FAM193A: variants seen among roughly 807,000 people sequenced by gnomAD.
FAM193A encodes the protein protein FAM193A.
A neutral mutation model predicts 126.5 loss-of-function variants in FAM193A; 22 were observed. That is an observed-to-expected ratio of 0.17 (90% CI 0.12 to 0.25). The LOEUF (loss-of-function observed/expected upper bound fraction) is 0.25. FAM193A is among the 10% of genes least tolerant of loss of function. The pLI, the probability that FAM193A is intolerant of heterozygous loss-of-function variation, is 1.00. For missense variants in FAM193A, 1,675 were observed against 1,672.8 expected, an observed-to-expected ratio of 1.00 and a Z score of -0.02; for synonymous variants, 761 against 646.8, an observed-to-expected ratio of 1.18 and a Z score of -2.68.
chr4:2,551,777 A>G lies in FAM193A; in HGVS notation c.255+14607A>G, dbSNP rs117408986. 4.9e-3 allele frequency among the ~76,000 whole-genome samples: 694 copies of G among 142,568 alleles called. 12 individuals are homozygous for G. The highest frequency in any genetic ancestry group is 0.034 in the Admixed American group (485 of 14,366). The allele number at this position is 142,568 out of a possible 152,430, so 93.5% of individuals were successfully genotyped here. On this transcript the variant is annotated intron_variant, in intron 1 of 20. Coordinates refer to ENST00000637812, the MANE Select transcript of FAM193A (RefSeq NM_001366318.2). ...TGTTTTTCCGTTTTCAGTGTGTTTG[A>G]TTTTTTTTTTTAAACACTTTGCCTT...
chr4:2,692,491 G>C (rs988669230), intron 15 of FAM193A, among the ~76,000 whole-genome samples: 8 of 152,182 alleles, frequency 5.3e-5, no homozygotes, highest in Non-Finnish European at 8.8e-5. Context: ...AGACTCTGGA[G>C]GAACCTAGCA....
intron 6 of FAM193A, among the ~76,000 whole-genome samples, chr4:2,640,642 G>C (rs1390500935): frequency 6.6e-6 from 1 of 152,100 alleles, no homozygotes. Context: ...CAGACCCATC[G>C]TGACAGCAGC....
At chr4:2,641,062 A>G (rs901726356) in intron 6 of FAM193A, among the ~76,000 whole-genome samples, 10 of 151,782 alleles carry the variant, frequency 6.6e-5, no homozygotes, top group Non-Finnish European at 1.3e-4. Flanking sequence ...TATTTTTGAG[A>G]CAGTGTCTTG....
chr4:2,688,403 G>A (rs555244763), intron 13 of FAM193A, among the ~76,000 whole-genome samples: 2 of 152,224 alleles, frequency 1.3e-5, no homozygotes, highest in African/African-American at 4.8e-5. Flanking sequence ...CGATCTTTAG[G>A]CCGAGGCCTG....
chr4:2,603,915 T>C (rs1245373957), intron 2 of FAM193A, among the ~76,000 whole-genome samples: 1 of 152,158 alleles, frequency 6.6e-6, no homozygotes, highest in Non-Finnish European at 1.5e-5. Context: ...CGATCTTGGC[T>C]CACTGCAACC....
intron 1 of FAM193A, among the ~76,000 whole-genome samples, chr4:2,561,250 A>G (rs1627977): frequency 0.98 from 149,882 of 152,200 alleles, 73,830 homozygotes; most frequent in Middle Eastern, 1. Flanking sequence ...GCGCAGTCTC[A>G]GTTCACTGCA....
chr4:2,655,276 T>A lies in FAM193A; in HGVS notation c.1312-2527T>A, dbSNP rs1177614426. On this transcript the variant is annotated intron_variant, in intron 7 of 20. Transcript: ENST00000637812. Reference sequence around the variant, plus strand: ...AAGATGTCAAAATTGATGGTATGATTTTTCTTATATCAATTTCTGTATGAG... The same window carrying A: ...AAGATGTCAAAATTGATGGTATGATATTTCTTATATCAATTTCTGTATGAG... The A allele has an allele frequency of 1.1e-5, 5 of 470,544 alleles. No homozygotes were observed. In the East Asian group the frequency reaches 1.2e-4, roughly 11 times the overall value. 29.1% of individuals were successfully genotyped at this position (470,544 alleles called of 1,614,324 possible).
intron 17 of FAM193A, 62 bp downstream of exon 17, chr4:2,695,191 A>G: frequency 7.1e-7 from 1 of 1,417,922 alleles, no homozygotes; most frequent in Non-Finnish European, 9.4e-7. Context: ...GCTCCTTTGC[A>G]GAAATTCTGT....
intron 13 of FAM193A, among the ~76,000 whole-genome samples, chr4:2,679,239 C>T (rs1714803542): frequency 2.6e-5 from 4 of 152,104 alleles, no homozygotes; most frequent in Admixed American, 2.6e-4. Flanking sequence ...TAGAATTATC[C>T]TTGCATTCTG....
chr4:2,615,810 C>G (rs1351742490), intron 2 of FAM193A, among the ~76,000 whole-genome samples: 2 of 151,970 alleles, frequency 1.3e-5, no homozygotes, highest in Non-Finnish European at 2.9e-5. Flanking sequence ...AGCCACCATG[C>G]CCGGCCTATT....
intron 5 of FAM193A, among the ~76,000 whole-genome samples, chr4:2,632,319 A>G (rs1455778106): frequency 1.3e-5 from 2 of 152,152 alleles, no homozygotes; most frequent in Non-Finnish European, 1.5e-5. Context: ...TAATCCTCGC[A>G]CTTTGGGAAG....
intron 15 of FAM193A, among the ~76,000 whole-genome samples, chr4:2,692,244 G>A (rs534702142): frequency 6.6e-6 from 1 of 152,314 alleles, no homozygotes; most frequent in East Asian, 1.9e-4. Context: ...ACGGGGGAGA[G>A]AACGAGTACA....
intron 16 of FAM193A, 21 bp downstream of exon 16, chr4:2,693,895 G>A (rs1314000433): frequency 6.2e-7 from 1 of 1,603,452 alleles, no homozygotes; most frequent in Admixed American, 1.7e-5. Context: ...TCCTGACTGG[G>A]GACGTGGGAG....
intron 15 of FAM193A, 103 bp from the exon 16 acceptor site, chr4:2,693,483 G>A (rs1716643675): frequency 5.5e-6 from 6 of 1,090,202 alleles, no homozygotes; most frequent in Middle Eastern, 2.1e-4. Flanking sequence ...ATGAAGCAAG[G>A]TGAAGGATGA....
intron 1 of FAM193A, among the ~76,000 whole-genome samples, chr4:2,553,324 A>G (rs1334617275): frequency 1.3e-5 from 2 of 151,810 alleles, no homozygotes; most frequent in African/African-American, 2.4e-5. Flanking sequence ...AGCTAGGTCC[A>G]CATAGCAAGA....
intron 19 of FAM193A, among the ~76,000 whole-genome samples, chr4:2,706,395 C>A (rs947600625): frequency 2.1e-5 from 3 of 145,054 alleles, no homozygotes; most frequent in African/African-American, 7.7e-5. Flanking sequence ...CTCCTGGGTT[C>A]AAGCGATTCT....
chr4:2,700,999 C>G (rs940912950), intron 19 of FAM193A, among the ~76,000 whole-genome samples: 3 of 151,922 alleles, frequency 2.0e-5, no homozygotes, highest in African/African-American at 7.3e-5. Context: ...ATTTCTACCC[C>G]CTCCAGTTCC....
chr4:2,627,243 C>T (rs1743062888), intron 4 of FAM193A, among the ~76,000 whole-genome samples: 2 of 151,110 alleles, frequency 1.3e-5, no homozygotes, highest in East Asian at 1.9e-4. Context: ...TCACTGCAAC[C>T]CCTGCCTCCC....
intron 2 of FAM193A, among the ~76,000 whole-genome samples, chr4:2,604,979 T>A (rs1341162978): frequency 6.6e-6 from 1 of 150,972 alleles, no homozygotes. Context: ...TTTTTTTTTT[T>A]TAAATTTTTT....
Sources: gnomAD v4.1 joint callset for allele counts (sites outside exome capture counted in the v4.1 genomes callset) on GRCh38, gnomAD v4.1.1 for gene constraint, MANE v1.5 for transcripts, NCBI Gene and HGNC (gene_info 2026-07-23, HGNC 2026-07-21) for gene names.